Variants in CYB5D1 observed in about 807,000 individuals in gnomAD.
CYB5D1 encodes the protein cytochrome b5 domain-containing protein 1.
A neutral mutation model predicts 24.3 loss-of-function variants in CYB5D1; 30 were observed. The observed-to-expected ratio is 1.23, with a 90% CI of 0.92 to 1.67. The LOEUF (loss-of-function observed/expected upper bound fraction) is 1.67, where lower values mean the gene tolerates loss of function less well. Among genes scored for constraint, CYB5D1 ranks in the 40% most tolerant of loss-of-function variants. The probability of loss-of-function intolerance (pLI) is 0.00; values close to 1 mark genes in which losing one functional copy is unlikely to be tolerated. For missense variants in CYB5D1, 265 were observed against 296.7 expected (o/e 0.89, Z 0.79); for synonymous variants, 128 against 123.2 (o/e 1.04, Z -0.26).
At position 7,858,202 on chromosome 17, in the gene CYB5D1, C is replaced by A. The variant is rs146292470; in HGVS notation, c.68C>A (p.Ala23Glu). 28 of 1,613,830 alleles carry A rather than the reference C, an allele frequency of 1.7e-5. No individual in the cohort carries two copies. The highest frequency in any genetic ancestry group is 2.3e-5 in the Non-Finnish European group (27 of 1,180,032). The part of the protein sequence containing the change: ...EYFQRRYFTP[A>E]EVAQHNRPED... The stretch of plus-strand genomic sequence containing the variant: ...TTTCAGCGTCGCTATTTCACGCCGG[C>A]GGAGGTGGCCCAACATAACAGGCCC... The change falls in exon 1 of 4, where the codon GCG becomes GAG. Residue 23 changes from alanine to glutamate, a missense_variant. Ala to Glu is a moderately radical substitution (Grantham distance 107). Coordinates refer to ENST00000332439, the MANE Select transcript of CYB5D1 (RefSeq NM_144607.6).
Position 7,859,915 on chromosome 17 carries a change from T to G in CYB5D1, c.*303T>G. 2.7e-6 allele frequency: 1 copy of G among 371,172 alleles called. No homozygotes were observed. The highest frequency in any genetic ancestry group is 3.0e-5 in the South Asian group (1 of 32,812). 23.0% of individuals were successfully genotyped at this position (371,172 alleles called of 1,614,324 possible). On this transcript the variant is annotated 3_prime_UTR_variant, in exon 4 of 4. Coordinates refer to ENST00000332439, the MANE Select transcript of CYB5D1 (RefSeq NM_144607.6). Reference sequence around the variant, plus strand: ...GAACTGTTTGATAGTTAAGAGAGAGTAGTTCTACAGGGGTGAGGGATGGAA... The same window carrying G: ...GAACTGTTTGATAGTTAAGAGAGAGGAGTTCTACAGGGGTGAGGGATGGAA...
In CYB5D1 at chr17:7,862,137, A is replaced by G. The variant is rs747328570; in HGVS notation, c.*2525A>G. The G allele has an allele frequency of 3.3e-5, 5 of 152,108 alleles. No individual in the cohort carries two copies. Among genetic ancestry groups the G allele is most frequent in the Admixed American group, 6.5e-5 (1 of 15,280 alleles). The allele number at this position is 152,108 out of a possible 1,614,324, so 9.4% of individuals were successfully genotyped here. On this transcript the variant is annotated 3_prime_UTR_variant, in exon 4 of 4. Transcript: ENST00000332439. ...TGCATTTTCCAGAGTTTTTATTACA[A>G]TTGTAAAATTATGGCTGTAATAGGC...
Position 7,861,546 on chromosome 17 carries a change from G to A in CYB5D1, c.*1934G>A, listed in dbSNP as rs2078883308. 1 of 152,156 alleles carries A rather than the reference G, an allele frequency of 6.6e-6. No homozygotes were observed. Among genetic ancestry groups the A allele is most frequent in the Non-Finnish European group, 1.5e-5 (1 of 68,026 alleles). The allele number at this position is 152,156 out of a possible 1,614,324, so 9.4% of individuals were successfully genotyped here. A position where few individuals can be genotyped will look rare whatever the true frequency, so the allele number is the denominator to read the frequency against. ...CCTCAGGGCCTGTCCTGTGCCTACAGGATGTCCCCATTCTGCCAAAACCTG... is the reference window on the plus strand; with the variant it reads ...CCTCAGGGCCTGTCCTGTGCCTACAAGATGTCCCCATTCTGCCAAAACCTG... On this transcript the variant is annotated 3_prime_UTR_variant, in exon 4 of 4. Transcript: ENST00000332439.
In CYB5D1 at chr17:7,859,640, C is replaced by T. The variant is rs551386324; in HGVS notation, c.*28C>T. 2.3e-4 allele frequency: 362 copies of T among 1,604,092 alleles called. 4 individuals are homozygous for T. The South Asian group carries it at 3.8e-3, about 17-fold the overall frequency. ...AAGGAGATGTACACTCGTGTAGACTCAAGACGTATTTCGAGTTTGGCTTTT... is the reference window on the plus strand; with the variant it reads ...AAGGAGATGTACACTCGTGTAGACTTAAGACGTATTTCGAGTTTGGCTTTT... On this transcript the variant is annotated 3_prime_UTR_variant, in exon 4 of 4. Transcript: ENST00000332439.
At position 7,861,718 on chromosome 17, in the gene CYB5D1, C is replaced by A. The variant is rs895968258; in HGVS notation, c.*2106C>A. On this transcript the variant is annotated 3_prime_UTR_variant, in exon 4 of 4. Transcript: ENST00000332439. ...TCTCCAAGTTACCATCACCTCTTGT[C>A]TAAACTGCTACGGAAACTTCCTAAC... 6.6e-6 allele frequency: 1 copy of A among 152,220 alleles called. No homozygotes were observed. The highest frequency in any genetic ancestry group is 1.5e-5 in the Non-Finnish European group (1 of 68,050). 9.4% of individuals were successfully genotyped at this position (152,220 alleles called of 1,614,324 possible). A position where few individuals can be genotyped will look rare whatever the true frequency, so the allele number is the denominator to read the frequency against.
At position 7,859,906 on chromosome 17, in the gene CYB5D1, A is replaced by C. The variant is rs545250303; in HGVS notation, c.*294A>C. 2.8e-4 allele frequency: 113 copies of C among 396,958 alleles called. No homozygotes were observed. The highest frequency in any genetic ancestry group is 4.4e-4 in the Non-Finnish European group (94 of 215,536). 24.6% of individuals were successfully genotyped at this position (396,958 alleles called of 1,614,324 possible). A position where few individuals can be genotyped will look rare whatever the true frequency, so the allele number is the denominator to read the frequency against. On this transcript the variant is annotated 3_prime_UTR_variant, in exon 4 of 4. Transcript: ENST00000332439. ...GTTCAGGCAGAACTGTTTGATAGTT[A>C]AGAGAGAGTAGTTCTACAGGGGTGA...
Position 7,860,401 on chromosome 17 carries a change from G to C in CYB5D1, c.*789G>C, listed in dbSNP as rs1192002629. On this transcript the variant is annotated 3_prime_UTR_variant, in exon 4 of 4. Coordinates refer to ENST00000332439, the MANE Select transcript of CYB5D1 (RefSeq NM_144607.6). ...GGCCTCAAGTGATCCTCTTGCCTCA[G>C]CCTCCCAAATAGCCTCTTCAAGACA... The C allele has an allele frequency of 6.6e-6, 1 of 152,142 alleles. No individual in the cohort carries two copies. Among genetic ancestry groups the C allele is most frequent in the African/African-American group, 2.4e-5 (1 of 41,386 alleles). 9.4% of individuals were successfully genotyped at this position (152,142 alleles called of 1,614,324 possible).
At chr17:7,859,119 TTTC>T in intron 3 of CYB5D1, 2 of 575,776 alleles carry the variant, frequency 3.5e-6, no homozygotes, top group East Asian at 5.7e-5. Flanking sequence ...GCAATTGGAC[TTTC>T]TTTTTAATCT....
chr17:7,858,981 C>T, intron 3 of CYB5D1, 157 bp downstream of exon 3: 1 of 662,552 alleles, frequency 1.5e-6, no homozygotes, highest in Non-Finnish European at 2.4e-6. Flanking sequence ...CCTAGGTCCC[C>T]AGGGTTGGGA....
intron 3 of CYB5D1, chr17:7,859,095 C>T (rs1159821566): frequency 7.0e-6 from 4 of 569,644 alleles, no homozygotes; most frequent in African/African-American, 5.6e-5. Flanking sequence ...AGCTCTTACA[C>T]GCCGTTTTGG....
At position 7,858,827 on chromosome 17, in the gene CYB5D1, GA is replaced by G; in HGVS notation, c.456+4del. On this transcript the variant is annotated splice_donor_region_variant and intron_variant, in intron 3 of 3. Transcript: ENST00000332439. ...CGTCGCAGGAGCACACACTGGAGGT[GA>G]GAACTGGTGACAAGGAGCAGGTTAG... 6.5e-7 allele frequency: 1 copy of G among 1,528,184 alleles called. No individual in the cohort carries two copies. The highest frequency in any genetic ancestry group is 8.8e-7 in the Non-Finnish European group (1 of 1,137,626). The allele number at this position is 1,528,184 out of a possible 1,614,324, so 94.7% of individuals were successfully genotyped here.
rs1468235877 is a variant in CYB5D1 at position 7,858,096 on chromosome 17, G to A, written c.-39G>A. Reference sequence around the variant, plus strand: ...AGTGAGTACGTGCTGAGGAGCAAAGGAGTAACCAAGAGATCCAGTGACCGA... The same window carrying A: ...AGTGAGTACGTGCTGAGGAGCAAAGAAGTAACCAAGAGATCCAGTGACCGA... On this transcript the variant is annotated 5_prime_UTR_variant, in exon 1 of 4. Coordinates refer to ENST00000332439, the MANE Select transcript of CYB5D1 (RefSeq NM_144607.6). 8 of 1,610,370 alleles carry A rather than the reference G, an allele frequency of 5.0e-6. No homozygotes were observed. The East Asian group carries it at 1.6e-4, about 31-fold the overall frequency.
Position 7,859,907 on chromosome 17 carries a change from A to G in CYB5D1, c.*295A>G. The stretch of plus-strand genomic sequence containing the variant: ...TTCAGGCAGAACTGTTTGATAGTTA[A>G]GAGAGAGTAGTTCTACAGGGGTGAG... On this transcript the variant is annotated 3_prime_UTR_variant, in exon 4 of 4. Transcript: ENST00000332439. 2 of 396,326 alleles carry G rather than the reference A, an allele frequency of 5.0e-6. No individual in the cohort carries two copies. Among genetic ancestry groups the G allele is most frequent in the Non-Finnish European group, 9.3e-6 (2 of 215,004 alleles). The allele number at this position is 396,326 out of a possible 1,614,324, so 24.6% of individuals were successfully genotyped here.
At chr17:7,859,027 A>G in intron 3 of CYB5D1, 1 of 563,644 alleles carries the variant, frequency 1.8e-6, no homozygotes, top group Non-Finnish European at 3.1e-6. Context: ...GGGACAAGAG[A>G]CTCCTTTATA....
In CYB5D1 at chr17:7,858,746, T is replaced by G. The variant is rs780116354; in HGVS notation, c.378T>G (p.Tyr126Ter). Residue 126 changes from tyrosine (Y) to a stop codon, truncating the protein, a stop_gained, in exon 3 of 4, where the codon TAT (tyrosine) becomes TAG (stop). Transcript: ENST00000332439. LOFTEE classifies it high-confidence loss of function. Reference protein sequence around the residue: ...FGKPWWQGSYYEVGRLSAKTR... With the variant: ...FGKPWWQGSY ...AGCCCTGGTGGCAGGGGTCGTATTA[T>G]GAGGTGGGGCGGCTGTCTGCCAAGA... 1.9e-6 allele frequency: 3 copies of G among 1,602,666 alleles called. No homozygotes were observed. Among genetic ancestry groups the G allele is most frequent in the Non-Finnish European group, 2.6e-6 (3 of 1,174,192 alleles).
Position 7,859,538 on chromosome 17 carries a change from T to C in CYB5D1, c.613T>C (p.Tyr205His). ...GIRDEEEEFD[Y>H]LSMDGTLHTP... ...CCGGGATGAGGAGGAAGAATTTGAC[T>C]ATCTCAGTATGGACGGTACACTTCA... Residue 205 changes from tyrosine (Y) to histidine (H), a missense_variant, in exon 4 of 4, where the codon TAT (tyrosine) becomes CAT (histidine). Coordinates refer to ENST00000332439, the MANE Select transcript of CYB5D1 (RefSeq NM_144607.6). The C allele has an allele frequency of 6.2e-7, 1 of 1,614,220 alleles. No individual in the cohort carries two copies. Among genetic ancestry groups the C allele is most frequent in the Admixed American group, 1.7e-5 (1 of 60,024 alleles).
Position 7,860,320 on chromosome 17 carries a change from T to A in CYB5D1, c.*708T>A, listed in dbSNP as rs567641697. Reference sequence around the variant, plus strand: ...GTGCACGCCACAATGCCTAATTTTTTAATTTTTTGTAGACACAGGGTCTCG... The same window carrying A: ...GTGCACGCCACAATGCCTAATTTTTAAATTTTTTGTAGACACAGGGTCTCG... On this transcript the variant is annotated 3_prime_UTR_variant, in exon 4 of 4. Transcript: ENST00000332439. 3 of 152,272 alleles carry A rather than the reference T, an allele frequency of 2.0e-5. No homozygotes were observed. Among genetic ancestry groups the A allele is most frequent in the Non-Finnish European group, 4.4e-5 (3 of 68,072 alleles). 9.4% of individuals were successfully genotyped at this position (152,272 alleles called of 1,614,324 possible). A position where few individuals can be genotyped will look rare whatever the true frequency, so the allele number is the denominator to read the frequency against.
chr17:7,859,429 C>T lies in CYB5D1; in HGVS notation c.504C>T (p.Pro168=). 6.2e-7 allele frequency: 1 copy of T among 1,614,110 alleles called. No homozygotes were observed. Among genetic ancestry groups the T allele is most frequent in the Non-Finnish European group, 8.5e-7 (1 of 1,180,032 alleles). ...GGGAAATCCTACACCGCTATCTCCC[C>T]TATAACTCACATGCTGCCAGCTACA... The part of the protein sequence containing the change: ...SIWEILHRYL[P]YNSHAASYTW... Residue 168 remains proline, a synonymous_variant, in exon 4 of 4, where the codon CCC becomes CCT. Coordinates refer to ENST00000332439, the MANE Select transcript of CYB5D1 (RefSeq NM_144607.6).
chr17:7,859,799 A>G lies in CYB5D1; in HGVS notation c.*187A>G. 1 of 590,426 alleles carries G rather than the reference A, an allele frequency of 1.7e-6. No homozygotes were observed. The highest frequency in any genetic ancestry group is 3.0e-6 in the Non-Finnish European group (1 of 331,288). The allele number at this position is 590,426 out of a possible 1,614,324, so 36.6% of individuals were successfully genotyped here. A position where few individuals can be genotyped will look rare whatever the true frequency, so the allele number is the denominator to read the frequency against. On this transcript the variant is annotated 3_prime_UTR_variant, in exon 4 of 4. Transcript: ENST00000332439. Reference sequence around the variant, plus strand: ...TGCCTTCATTACAGTTTGCTCTGAGAAAATTAGTGAATTAATCTTTGGGAA... The same window carrying G: ...TGCCTTCATTACAGTTTGCTCTGAGGAAATTAGTGAATTAATCTTTGGGAA...
Sources: allele counts gnomAD v4.1 joint callset, GRCh38; gene constraint gnomAD v4.1.1; transcripts MANE v1.5; gene names NCBI Gene and HGNC (gene_info 2026-07-23, HGNC 2026-07-21).